Variants in STK17A observed in about 807,000 individuals in gnomAD.
STK17A encodes the protein serine/threonine-protein kinase 17A.
In STK17A, 26 loss-of-function variants were observed where a neutral mutation model predicts 43.7. The ratio of observed to expected loss-of-function variants is 0.60; its 90% CI spans 0.44 to 0.83. The LOEUF is 0.83. Ranked by LOEUF, STK17A falls within the 40% of genes least tolerant of loss-of-function variation. The pLI, the probability that STK17A is intolerant of heterozygous loss-of-function variation, is 0.00. For missense variants in STK17A, 476 were observed against 511.6 expected, an observed-to-expected ratio of 0.93 and a Z score of 0.67; for synonymous variants, 191 against 182.5, an observed-to-expected ratio of 1.05 and a Z score of -0.38.
intron 2 of STK17A, among the ~76,000 whole-genome samples, chr7:43,598,876 T>C (rs1050306177): frequency 2.0e-5 from 3 of 151,428 alleles, no homozygotes; most frequent in African/African-American, 7.3e-5. Flanking sequence ...AATTCTCCTG[T>C]GTCAGCCTCC....
At chr7:43,595,651 A>G (rs1375562030) in intron 1 of STK17A, among the ~76,000 whole-genome samples, 2 of 152,136 alleles carry the variant, frequency 1.3e-5, no homozygotes, top group African/African-American at 4.8e-5. Flanking sequence ...TAACTCTGCA[A>G]AAAAATGGAC....
intron 1 of STK17A, among the ~76,000 whole-genome samples, chr7:43,592,616 G>T (rs567234145): frequency 6.6e-6 from 1 of 151,362 alleles, no homozygotes. Context: ...TTGGGAGGCC[G>T]AGGTGGGTGG....
At chr7:43,622,203 G>T (rs2083967712) in intron 4 of STK17A, 1 of 152,166 alleles carries the variant, frequency 6.6e-6, no homozygotes, top group Non-Finnish European at 1.5e-5. Context: ...CGGTAATTTG[G>T]ATGCTATGCA....
intron 4 of STK17A, among the ~76,000 whole-genome samples, chr7:43,622,029 A>T (rs2083950447): frequency 6.6e-6 from 1 of 152,198 alleles, no homozygotes; most frequent in South Asian, 2.1e-4. Flanking sequence ...TAGTAATAGT[A>T]CCGACCTCAT....
chr7:43,623,723 T>C lies in STK17A; in HGVS notation c.755T>C (p.Leu252Ser). Residue 252 changes from leucine (L) to serine (S), a missense_variant, in exon 6 of 7, where the codon TTA becomes TCA. Leu to Ser is a moderately radical substitution (Grantham distance 145). Transcript: ENST00000319357. The part of the protein sequence containing the change: ...MATDMWSIGV[L>S]TYVMLTGISP... The stretch of plus-strand genomic sequence containing the variant: ...TTCTAATTTAGGAGCATTGGAGTGT[T>C]AACATATGTCATGCTTACAGGAATA... 6.2e-7 allele frequency: 1 copy of C among 1,606,908 alleles called. No homozygotes were observed. Among genetic ancestry groups the C allele is most frequent in the Non-Finnish European group, 8.5e-7 (1 of 1,177,470 alleles).
chr7:43,610,903 G>A (rs1007867018), intron 3 of STK17A, among the ~76,000 whole-genome samples: 1 of 152,120 alleles, frequency 6.6e-6, no homozygotes, highest in Non-Finnish European at 1.5e-5. Context: ...GATCGCTTGA[G>A]GTCAGGAGTT....
intron 4 of STK17A, chr7:43,622,656 G>A (rs1271146228): frequency 6.6e-6 from 1 of 150,986 alleles, no homozygotes; most frequent in Non-Finnish European, 1.5e-5. Context: ...TCTTTCTATT[G>A]TGTTTATGTG....
intron 6 of STK17A, among the ~76,000 whole-genome samples, 197 bp downstream of exon 6, chr7:43,624,085 G>T (rs1484132508): frequency 6.6e-6 from 1 of 151,918 alleles, no homozygotes; most frequent in East Asian, 1.9e-4. Flanking sequence ...AAGAAAAGGG[G>T]GCAAAAATGA....
chr7:43,619,807 G>A, intron 4 of STK17A, 84 bp downstream of exon 4: 4 of 1,473,058 alleles, frequency 2.7e-6, no homozygotes, highest in Non-Finnish European at 3.7e-6. Context: ...GACTCATAGT[G>A]GAGCCAGCTA....
intron 1 of STK17A, among the ~76,000 whole-genome samples, chr7:43,593,472 G>A (rs1475909795): frequency 6.6e-6 from 1 of 152,158 alleles, no homozygotes; most frequent in Non-Finnish European, 1.5e-5. Flanking sequence ...ACTTTCCATA[G>A]TGGCTGAACT....
At position 43,625,436 on chromosome 7, in the gene STK17A, C is replaced by T. The variant is rs1051812631; in HGVS notation, c.*594C>T. ...TGTGTTTTTGCCTAAATACTAGTAA[C>T]ATATCAGTGAAAAACCCTAATTTTT... On this transcript the variant is annotated 3_prime_UTR_variant, in exon 7 of 7. Transcript: ENST00000319357. 7.2e-5 allele frequency: 11 copies of T among 152,162 alleles called. No individual in the cohort carries two copies. Among genetic ancestry groups the T allele is most frequent in the Non-Finnish European group, 1.3e-4 (9 of 68,026 alleles). 9.4% of individuals were successfully genotyped at this position (152,162 alleles called of 1,614,324 possible). A position where few individuals can be genotyped will look rare whatever the true frequency, so the allele number is the denominator to read the frequency against.
At chr7:43,623,368 G>A (rs2084124288) in intron 4 of STK17A, 2 of 546,214 alleles carry the variant, frequency 3.7e-6, no homozygotes, top group South Asian at 2.4e-5. Flanking sequence ...ACAATGGTGG[G>A]TAGAAGTGTG....
intron 1 of STK17A, among the ~76,000 whole-genome samples, chr7:43,592,045 T>G (rs1415804117): frequency 6.6e-6 from 1 of 151,620 alleles, no homozygotes; most frequent in Non-Finnish European, 1.5e-5. Context: ...CAGGAACATG[T>G]TTGCTGCCAA....
intron 6 of STK17A, 148 bp from the exon 7 acceptor site, chr7:43,624,370 A>G: frequency 2.6e-6 from 2 of 765,050 alleles, no homozygotes; most frequent in Non-Finnish European, 2.0e-6. Flanking sequence ...CCAAATTCCA[A>G]GACTAATAGT....
Position 43,624,897 on chromosome 7 carries a change from T to G in STK17A, c.*55T>G. ...TCTACATTGAAAATGTTAATATTAT[T>G]TATGGACCTCTGGCCAAATGGTACA... On this transcript the variant is annotated 3_prime_UTR_variant, in exon 7 of 7. Transcript: ENST00000319357. 6.9e-7 allele frequency: 1 copy of G among 1,456,742 alleles called. No individual in the cohort carries two copies. The highest frequency in any genetic ancestry group is 9.2e-7 in the Non-Finnish European group (1 of 1,081,210). The allele number at this position is 1,456,742 out of a possible 1,614,324, so 90.2% of individuals were successfully genotyped here.
At chr7:43,604,490 C>G (rs1219882074) in intron 2 of STK17A, among the ~76,000 whole-genome samples, 1 of 152,106 alleles carries the variant, frequency 6.6e-6, no homozygotes, top group African/African-American at 2.4e-5. Context: ...TCTACCTCAC[C>G]CTACATTCTT....
intron 3 of STK17A, among the ~76,000 whole-genome samples, chr7:43,612,844 A>G (rs558839007): frequency 2.6e-5 from 4 of 152,234 alleles, no homozygotes; most frequent in Non-Finnish European, 5.9e-5. Flanking sequence ...CAGATTTAGG[A>G]GTCTGTAAAA....
At chr7:43,583,488 C>A in intron 1 of STK17A, 39 bp downstream of exon 1, 3 of 1,238,014 alleles carry the variant, frequency 2.4e-6, no homozygotes, top group Non-Finnish European at 3.0e-6. Flanking sequence ...CCTTCCCGGA[C>A]GCGCGGGGCG....
intron 1 of STK17A, among the ~76,000 whole-genome samples, chr7:43,590,236 G>C (rs1008627181): frequency 1.3e-5 from 2 of 151,250 alleles, no homozygotes; most frequent in Non-Finnish European, 3.0e-5. Context: ...ATGAGCCACC[G>C]TGCCCAACCA....
Sources: gnomAD v4.1 joint callset for allele counts (sites outside exome capture counted in the v4.1 genomes callset) on GRCh38, gnomAD v4.1.1 for gene constraint, MANE v1.5 for transcripts, NCBI Gene and HGNC (gene_info 2026-07-23, HGNC 2026-07-21) for gene names.